PARD6G: variants seen among roughly 807,000 people sequenced by gnomAD.
PARD6G encodes partitioning defective 6 homolog gamma.
In PARD6G, 7 loss-of-function variants were observed where a neutral mutation model predicts 10.7. The ratio of observed to expected loss-of-function variants is 0.66; its 90% CI spans 0.37 to 1.23. PARD6G has a LOEUF of 1.23. PARD6G is among the 50% of genes most tolerant of loss of function. The pLI, the probability that PARD6G is intolerant of heterozygous loss-of-function variation, is 0.02. For synonymous variants in PARD6G, 287 were observed against 269.4 expected, an observed-to-expected ratio of 1.07 and a Z score of -0.64; for missense variants, 548 against 571.8, an observed-to-expected ratio of 0.96 and a Z score of 0.42.
chr18:80,233,937 G>T (rs185102090), intron 1 of PARD6G, among the ~76,000 whole-genome samples: 50 of 152,260 alleles, frequency 3.3e-4, no homozygotes, highest in Admixed American at 3.3e-3. Flanking sequence ...TTCACACAGT[G>T]CTCTGACGGC....
At position 80,228,297 on chromosome 18, in the gene PARD6G, G is replaced by A. The variant is rs1967318257; in HGVS notation, c.72+18980C>T. On this transcript the variant is annotated intron_variant, in intron 1 of 2. Coordinates refer to ENST00000353265, the MANE Select transcript of PARD6G (RefSeq NM_032510.4). The surrounding 1 kb of genome is among the most constrained non-coding windows in gnomAD (Gnocchi z 4.6). ...AAGCCGCCATGGGGAGGTGAGGGGA[G>A]GTGAGCGGAGGGGAGGCCAGGGGAG... 6.6e-6 allele frequency among the ~76,000 whole-genome samples: 1 copy of A among 152,068 alleles called. No homozygotes were observed. Among genetic ancestry groups the A allele is most frequent in the African/African-American group, 2.4e-5 (1 of 41,378 alleles).
At chr18:80,244,229 G>C (rs1967519327) in intron 1 of PARD6G, among the ~76,000 whole-genome samples, 1 of 152,146 alleles carries the variant, frequency 6.6e-6, no homozygotes, top group Non-Finnish European at 1.5e-5. Context: ...TCCTGTGGAA[G>C]GAGAGGCCAA....
At chr18:80,245,832 G>A (rs1187647851) in intron 1 of PARD6G, among the ~76,000 whole-genome samples, 1 of 152,056 alleles carries the variant, frequency 6.6e-6, no homozygotes, top group Non-Finnish European at 1.5e-5. Flanking sequence ...GCACTTCTGT[G>A]CTCCAGAGAA....
At chr18:80,245,479 C>T (rs904544069) in intron 1 of PARD6G, among the ~76,000 whole-genome samples, 3 of 152,122 alleles carry the variant, frequency 2.0e-5, no homozygotes, top group African/African-American at 7.2e-5. Context: ...TAGGCGTACA[C>T]GAATGAGTGT....
chr18:80,186,368 C>CA lies in PARD6G; in HGVS notation c.295+16341dup, dbSNP rs1363609582. 3.0e-3 allele frequency among the ~76,000 whole-genome samples: 144 copies of CA among 48,352 alleles called. 11 individuals carry two copies. The highest frequency in any genetic ancestry group is 9.6e-3 in the African/African-American group (136 of 14,128). The allele number at this position is 48,352 out of a possible 152,430, so 31.7% of individuals were successfully genotyped here. ...GCATGCACCCTCACACATGCTCGCA[C>CA]ACCCACACATGCTCGCACACCCTCA... On this transcript the variant is annotated intron_variant, in intron 2 of 2. Transcript: ENST00000353265.
intron 1 of PARD6G, among the ~76,000 whole-genome samples, chr18:80,212,901 CTTGTTT>C (rs1967123903): frequency 6.6e-6 from 1 of 151,448 alleles, no homozygotes; most frequent in Admixed American, 6.6e-5. Flanking sequence ...AAAAAATTAT[CTTGTTT>C]TTATCAATCT....
intron 1 of PARD6G, among the ~76,000 whole-genome samples, chr18:80,233,774 T>C (rs958681344): frequency 2.0e-5 from 3 of 152,094 alleles, no homozygotes; most frequent in Non-Finnish European, 4.4e-5. Context: ...AGGCGTACTG[T>C]CCATCCTGTC....
chr18:80,179,223 A>T (rs868103571), intron 2 of PARD6G, among the ~76,000 whole-genome samples: 101 of 139,286 alleles, frequency 7.3e-4, no homozygotes, highest in African/African-American at 2.6e-3. Flanking sequence ...GGCTGCAGTC[A>T]TTTTTTTTTT....
intron 2 of PARD6G, chr18:80,169,879 C>G (rs2052763706): frequency 6.6e-6 from 1 of 152,228 alleles, no homozygotes; most frequent in South Asian, 2.1e-4. Flanking sequence ...ACGGGCAAAG[C>G]AGCTGCCAGC....
intron 1 of PARD6G, among the ~76,000 whole-genome samples, chr18:80,229,562 C>T (rs878980678): frequency 1.3e-5 from 2 of 152,216 alleles, no homozygotes; most frequent in Admixed American, 6.5e-5. Context: ...ATGCTCTACA[C>T]CAGACCCGGA....
intron 2 of PARD6G, among the ~76,000 whole-genome samples, chr18:80,185,934 T>C (rs1441877221): frequency 3.2e-4 from 30 of 93,446 alleles, no homozygotes; most frequent in African/African-American, 1.2e-3. Context: ...TCACGCGGGC[T>C]TGCACACCCT....
intron 2 of PARD6G, among the ~76,000 whole-genome samples, chr18:80,177,357 C>T (rs565656731): frequency 7.0e-6 from 1 of 142,214 alleles, no homozygotes; most frequent in African/African-American, 2.6e-5. Context: ...CACACATACA[C>T]ATGTACACAC....
At chr18:80,205,709 C>T (rs2145283064) in intron 1 of PARD6G, among the ~76,000 whole-genome samples, 1 of 152,314 alleles carries the variant, frequency 6.6e-6, no homozygotes, top group African/African-American at 2.4e-5. Flanking sequence ...CAGATGGTCA[C>T]CATGCTTCCT....
intron 1 of PARD6G, among the ~76,000 whole-genome samples, chr18:80,213,295 C>T (rs2145288482): frequency 6.6e-6 from 1 of 152,276 alleles, no homozygotes; most frequent in East Asian, 1.9e-4. Flanking sequence ...GAGATCTAGA[C>T]AGCTACACAG....
At chr18:80,224,752 C>T (rs1967272047) in intron 1 of PARD6G, among the ~76,000 whole-genome samples, 1 of 151,998 alleles carries the variant, frequency 6.6e-6, no homozygotes. Flanking sequence ...GAGGCTGAGG[C>T]AGGAGAATGG....
intron 1 of PARD6G, among the ~76,000 whole-genome samples, chr18:80,229,437 C>T (rs1164466029): frequency 6.6e-6 from 1 of 152,216 alleles, no homozygotes; most frequent in Non-Finnish European, 1.5e-5. Context: ...CCCCTCAGGC[C>T]AAGGAAGTCA....
intron 2 of PARD6G, among the ~76,000 whole-genome samples, chr18:80,167,286 A>G (rs577311079): frequency 1.2e-4 from 18 of 145,718 alleles, no homozygotes; most frequent in African/African-American, 4.5e-4. Flanking sequence ...AGGATAACAC[A>G]TGGGCAGTGT....
chr18:80,235,099 T>C (rs1195085596), intron 1 of PARD6G, among the ~76,000 whole-genome samples: 1 of 152,146 alleles, frequency 6.6e-6, no homozygotes, highest in Non-Finnish European at 1.5e-5. Flanking sequence ...ATTGACCACA[T>C]AGTTGGAAGT....
At position 80,157,899 on chromosome 18, in the gene PARD6G, C is replaced by T. The variant is rs781099093; in HGVS notation, c.*1872G>A. 1 of 152,304 alleles carries T rather than the reference C, an allele frequency of 6.6e-6. No homozygotes were observed. Among genetic ancestry groups the T allele is most frequent in the Non-Finnish European group, 1.5e-5 (1 of 68,034 alleles). 9.4% of individuals were successfully genotyped at this position (152,304 alleles called of 1,614,324 possible). On this transcript the variant is annotated 3_prime_UTR_variant, in exon 3 of 3. Transcript: ENST00000353265. ...TTCCCTCTTAGCAGTTCCATGTTCA[C>T]GAAGTCAGGACAGTTCTGCCACTGA...
Sources: allele counts gnomAD v4.1 joint callset (sites outside exome capture counted in the v4.1 genomes callset), GRCh38; gene constraint gnomAD v4.1.1; non-coding constraint Gnocchi (gnomAD v3.1); transcripts MANE v1.5; gene names NCBI Gene and HGNC (gene_info 2026-07-23, HGNC 2026-07-21).